SNTG1: variants seen among roughly 807,000 people sequenced by gnomAD.
The protein encoded by SNTG1 is gamma-1-syntrophin.
A neutral mutation model predicts 74.7 loss-of-function variants in SNTG1; 39 were observed. The ratio of observed to expected loss-of-function variants is 0.52; its 90% confidence interval spans 0.40 to 0.68. The LOEUF (loss-of-function observed/expected upper bound fraction) is 0.68. SNTG1 is among the 30% of genes least tolerant of loss of function. SNTG1 has a pLI of 0.00. For missense variants in SNTG1, 685 were observed against 609.5 expected, an observed-to-expected ratio of 1.12 and a Z score of -1.30; for synonymous variants, 254 against 217.1, an observed-to-expected ratio of 1.17 and a Z score of -1.49.
chr8:50,001,989 G>A (rs998924637), intron 1 of SNTG1, among the ~76,000 whole-genome samples: 3 of 152,138 alleles, frequency 2.0e-5, no homozygotes, highest in Admixed American at 2.0e-4. Context: ...CTGGGAAGGA[G>A]GTTTTGGGGC....
At position 49,961,975 on chromosome 8, in the gene SNTG1, A is replaced by G. The variant is rs1001844204; in HGVS notation, c.-103+49744A>G. 7.4e-4 allele frequency among the ~76,000 whole-genome samples: 112 copies of G among 152,344 alleles called. 1 individual carries two copies. The highest frequency in any genetic ancestry group is 2.6e-3 in the African/African-American group (108 of 41,568). The stretch of plus-strand genomic sequence containing the variant: ...GTAATTGACTTTCAGGGAGTTTGAG[A>G]ATGGCAAGAAAAGCCATGTCAATGG... On this transcript the variant is annotated intron_variant, in intron 1 of 18. Coordinates refer to ENST00000642720, the MANE Select transcript of SNTG1 (RefSeq NM_018967.5).
At chr8:50,094,475 G>T (rs1341542523) in intron 1 of SNTG1, among the ~76,000 whole-genome samples, 2 of 151,824 alleles carry the variant, frequency 1.3e-5, no homozygotes, top group African/African-American at 4.8e-5. Context: ...GGAACCTAAA[G>T]AAATCAACAA....
intron 1 of SNTG1, among the ~76,000 whole-genome samples, chr8:49,990,101 A>G (rs935182597): frequency 2.0e-5 from 3 of 151,968 alleles, no homozygotes; most frequent in Non-Finnish European, 4.4e-5. Context: ...AGCAAGGGTA[A>G]TTAAGGGGAA....
At chr8:50,475,846 G>C (rs1187442555) in intron 8 of SNTG1, among the ~76,000 whole-genome samples, 1 of 152,156 alleles carries the variant, frequency 6.6e-6, no homozygotes, top group Admixed American at 6.5e-5. Context: ...AAAAATTGTA[G>C]ATTAAAGGCA....
At chr8:50,111,034 T>C (rs1444022047) in intron 1 of SNTG1, among the ~76,000 whole-genome samples, 1 of 152,220 alleles carries the variant, frequency 6.6e-6, no homozygotes, top group African/African-American at 2.4e-5. Flanking sequence ...TGTAATGTGA[T>C]GACTTCTGGT....
chr8:50,056,600 T>C (rs927426175), intron 1 of SNTG1, among the ~76,000 whole-genome samples: 1 of 152,176 alleles, frequency 6.6e-6, no homozygotes, highest in Non-Finnish European at 1.5e-5. Context: ...AAAGCAGGTT[T>C]CTTAATCACT....
intron 13 of SNTG1, among the ~76,000 whole-genome samples, chr8:50,647,558 A>C (rs1048697853): frequency 1.3e-5 from 2 of 152,136 alleles, no homozygotes; most frequent in African/African-American, 4.8e-5. Context: ...GGCAAGAGGT[A>C]GATGGGAGCT....
intron 1 of SNTG1, among the ~76,000 whole-genome samples, chr8:50,141,738 G>A (rs552910134): frequency 6.6e-6 from 1 of 152,094 alleles, no homozygotes; most frequent in East Asian, 1.9e-4. Flanking sequence ...ACAACATGTT[G>A]TATAAATGTT....
At position 50,508,598 on chromosome 8, in the gene SNTG1, T is replaced by G. The variant is rs2094032217; in HGVS notation, c.466+5718T>G. Among the ~76,000 whole-genome samples, 4 of 152,336 alleles carry G rather than the reference T, an allele frequency of 2.6e-5. No homozygotes were observed. In the Middle Eastern group the frequency reaches 0.01, roughly 389 times the overall value. On this transcript the variant is annotated intron_variant, in intron 9 of 18. Coordinates refer to ENST00000642720, the MANE Select transcript of SNTG1 (RefSeq NM_018967.5). ...CAGCACCTGTTGTTTCCTGACTTTT[T>G]AATGATCGCCATTCTAACTGGTGTG...
chr8:50,666,224 A>G (rs1039706612), intron 15 of SNTG1, among the ~76,000 whole-genome samples: 1 of 152,174 alleles, frequency 6.6e-6, no homozygotes, highest in African/African-American at 2.4e-5. Context: ...CATTTCATAT[A>G]AAATGAATGT....
intron 2 of SNTG1, among the ~76,000 whole-genome samples, chr8:50,227,289 T>A (rs1436309130): frequency 6.6e-6 from 1 of 152,122 alleles, no homozygotes; most frequent in Non-Finnish European, 1.5e-5. Flanking sequence ...AAACTCATGG[T>A]GCTGCAGTTT....
At chr8:50,279,924 C>T (rs1316497810) in intron 2 of SNTG1, among the ~76,000 whole-genome samples, 4 of 152,218 alleles carry the variant, frequency 2.6e-5, no homozygotes, top group Non-Finnish European at 5.9e-5. Flanking sequence ...AGTCATCCTT[C>T]TCTTCCTGGA....
intron 15 of SNTG1, among the ~76,000 whole-genome samples, chr8:50,699,230 G>A (rs1232496676): frequency 1.3e-5 from 2 of 151,940 alleles, no homozygotes; most frequent in Non-Finnish European, 2.9e-5. Flanking sequence ...AAAAAGTCTG[G>A]GTAGGCAATG....
At chr8:50,474,959 G>C (rs1003173873) in intron 8 of SNTG1, among the ~76,000 whole-genome samples, 3 of 151,470 alleles carry the variant, frequency 2.0e-5, no homozygotes, top group Admixed American at 2.0e-4. Flanking sequence ...CCATCATTCT[G>C]AGCAAACTAT....
chr8:50,214,361 A>T (rs1413028068), intron 2 of SNTG1, among the ~76,000 whole-genome samples: 2 of 151,808 alleles, frequency 1.3e-5, no homozygotes, highest in Non-Finnish European at 2.9e-5. Context: ...ATACATATGT[A>T]ACTAACCTGC....
chr8:50,181,792 C>T (rs1234925029), intron 2 of SNTG1, among the ~76,000 whole-genome samples: 1 of 151,992 alleles, frequency 6.6e-6, no homozygotes, highest in East Asian at 1.9e-4. Flanking sequence ...GTGATATTAT[C>T]TTTTATTCTT....
chr8:50,722,482 G>T (rs538679681), intron 17 of SNTG1, among the ~76,000 whole-genome samples: 42 of 152,118 alleles, frequency 2.8e-4, no homozygotes, highest in African/African-American at 9.9e-4. Context: ...GGCCCACATT[G>T]TATAATTCAA....
intron 2 of SNTG1, among the ~76,000 whole-genome samples, chr8:50,332,392 C>T (rs186586429): frequency 2.6e-5 from 4 of 151,846 alleles, no homozygotes; most frequent in African/African-American, 9.7e-5. Context: ...ATGGCCCCCA[C>T]CAGGCAAGAA....
Position 50,115,576 on chromosome 8 carries a change from A to AAAAAAAAAAAAAAAAAAAAAAAAAAAAC in SNTG1, c.-102-56974_-102-56973insAAAAAAAAAAAAAAAACAAAAAAAAAAA, listed in dbSNP as rs1482375164. Among the ~76,000 whole-genome samples the AAAAAAAAAAAAAAAAAAAAAAAAAAAAC allele has an allele frequency of 1.7e-4, 14 of 82,904 alleles. 2 individuals are homozygous for AAAAAAAAAAAAAAAAAAAAAAAAAAAAC. Among genetic ancestry groups the AAAAAAAAAAAAAAAAAAAAAAAAAAAAC allele is most frequent in the Non-Finnish European group, 1.6e-4 (6 of 37,126 alleles). The allele number at this position is 82,904 out of a possible 152,430, so 54.4% of individuals were successfully genotyped here. On this transcript the variant is annotated intron_variant, in intron 1 of 18. Coordinates refer to ENST00000642720, the MANE Select transcript of SNTG1 (RefSeq NM_018967.5). ...GAGCGAGACTCTGTCTCAAAAAAAA[A>AAAAAAAAAAAAAAAAAAAAAAAAAAAAC]AAAAAAAAAAACGAGATGGTTGAAG...
Sources: allele counts gnomAD v4.1 joint callset (sites outside exome capture counted in the v4.1 genomes callset), GRCh38; gene constraint gnomAD v4.1.1; transcripts MANE v1.5; gene names NCBI Gene and HGNC (gene_info 2026-07-23, HGNC 2026-07-21).